GRIA4: variants seen among roughly 807,000 people sequenced by gnomAD.
GRIA4 encodes glutamate receptor 4.
In GRIA4, 34 loss-of-function variants were observed where a neutral mutation model predicts 104.0. The ratio of observed to expected loss-of-function variants is 0.33; its 90% CI spans 0.25 to 0.44. GRIA4 has a LOEUF of 0.44. GRIA4 is among the 20% of genes least tolerant of loss of function. GRIA4 has a pLI of 1.00. For missense variants in GRIA4, 750 were observed against 1,096.5 expected (o/e 0.68, Z 4.46); for synonymous variants, 386 against 381.9 (o/e 1.01, Z -0.13).
chr11:105,780,050 C>A (rs4755116), intron 4 of GRIA4, among the ~76,000 whole-genome samples: 1 of 152,108 alleles, frequency 6.6e-6, no homozygotes, highest in Non-Finnish European at 1.5e-5. Flanking sequence ...AATTGCAACA[C>A]ACTGAACTTT....
intron 3 of GRIA4, among the ~76,000 whole-genome samples, chr11:105,685,121 G>A (rs1017343786): frequency 9.3e-5 from 13 of 139,116 alleles, no homozygotes; most frequent in Non-Finnish European, 1.7e-4. Context: ...CCTTTAGGAA[G>A]GAAGGAAAGA....
intron 4 of GRIA4, among the ~76,000 whole-genome samples, chr11:105,846,201 T>G (rs965969682): frequency 1.3e-5 from 2 of 152,216 alleles, no homozygotes. Context: ...AGTATTTCTG[T>G]GTCAATAATT....
intron 6 of GRIA4, among the ~76,000 whole-genome samples, chr11:105,898,044 T>C (rs1056358533): frequency 6.6e-6 from 1 of 152,142 alleles, no homozygotes; most frequent in East Asian, 1.9e-4. Flanking sequence ...TGAACTGAAA[T>C]AAAAACATAT....
In GRIA4 at chr11:105,852,275, G is replaced by A. The variant is rs370483996; in HGVS notation, c.488-9749G>A. Among the ~76,000 whole-genome samples, 349 of 152,256 alleles carry A rather than the reference G, an allele frequency of 2.3e-3. 2 individuals are homozygous for A. Among genetic ancestry groups the A allele is most frequent in the African/African-American group, 8.0e-3 (333 of 41,544 alleles). On this transcript the variant is annotated intron_variant, in intron 4 of 16. Coordinates refer to ENST00000282499, the MANE Select transcript of GRIA4 (RefSeq NM_000829.4). Reference sequence around the variant, plus strand: ...ATTATGACTTTCCCAGAGTTGTAGGGATGAATTTCTTTACCTATGAAGAAT... The same window carrying A: ...ATTATGACTTTCCCAGAGTTGTAGGAATGAATTTCTTTACCTATGAAGAAT...
In GRIA4 at chr11:105,974,577, AC is replaced by A. The variant is rs747031863; in HGVS notation, c.2544+134del. On this transcript the variant is annotated intron_variant, in intron 16 of 16. Transcript: ENST00000282499. ...TTAGGGGTAGGACTTAGGCCCGACT[AC>A]AGTGAGTGGGGGATGCATCCTGTGA... The A allele has an allele frequency of 3.7e-6, 6 of 1,606,524 alleles. No homozygotes were observed. The South Asian group carries it at 6.6e-5, about 18-fold the overall frequency.
At chr11:105,625,256 G>A (rs1377201836) in intron 3 of GRIA4, among the ~76,000 whole-genome samples, 1 of 152,024 alleles carries the variant, frequency 6.6e-6, no homozygotes, top group Non-Finnish European at 1.5e-5. Flanking sequence ...ACAGTGTCTG[G>A]AACATTAATG....
intron 4 of GRIA4, among the ~76,000 whole-genome samples, chr11:105,841,096 T>A (rs1488563011): frequency 6.6e-6 from 1 of 152,190 alleles, no homozygotes; most frequent in Non-Finnish European, 1.5e-5. Context: ...AAAATTCAGA[T>A]GATTAGCACT....
chr11:105,660,876 G>A (rs140322830), intron 3 of GRIA4, among the ~76,000 whole-genome samples: 2,746 of 151,500 alleles, frequency 0.018, 50 homozygotes, highest in Non-Finnish European at 0.026. Context: ...TCATAATAAC[G>A]TAAACATGAC....
At chr11:105,652,522 A>G (rs1951712671) in intron 3 of GRIA4, among the ~76,000 whole-genome samples, 2 of 152,204 alleles carry the variant, frequency 1.3e-5, no homozygotes, top group South Asian at 4.1e-4. Flanking sequence ...AAGAGAATAG[A>G]GTAGCCACCC....
At chr11:105,974,596 T>G in intron 16 of GRIA4, 152 bp downstream of exon 16, 1 of 1,590,238 alleles carries the variant, frequency 6.3e-7, no homozygotes, top group Non-Finnish European at 8.6e-7. Context: ...GGGGGATGCA[T>G]CCTGTGAACG....
chr11:105,926,564 C>T (rs1369420239), intron 12 of GRIA4, among the ~76,000 whole-genome samples, 177 bp from the exon 13 acceptor site: 2 of 152,040 alleles, frequency 1.3e-5, no homozygotes, highest in Admixed American at 1.3e-4. Context: ...TTAAATACAC[C>T]ATAGAAGACA....
intron 7 of GRIA4, among the ~76,000 whole-genome samples, chr11:105,901,579 G>T (rs996205751): frequency 1.3e-5 from 2 of 152,056 alleles, no homozygotes; most frequent in African/African-American, 2.4e-5. Context: ...ACATAGAAAA[G>T]AATTATATCT....
Position 105,610,891 on chromosome 11 carries a change from G to GTTTTTTTTTATT in GRIA4, c.-90-15_-90-14insTTTTTTTATTTT. ...TTTTCTTTTTTTTTTTTTTTTTTTG[G>GTTTTTTTTTATT]TTGATTTTAATTTTAGCGCCATCGT... On this transcript the variant is annotated splice_polypyrimidine_tract_variant and intron_variant, in intron 1 of 16. Coordinates refer to ENST00000282499, the MANE Select transcript of GRIA4 (RefSeq NM_000829.4). 1 of 283,732 alleles carries GTTTTTTTTTATT rather than the reference G, an allele frequency of 3.5e-6. No homozygotes were observed. The highest frequency in any genetic ancestry group is 1.3e-4 in the South Asian group (1 of 7,996). 17.6% of individuals were successfully genotyped at this position (283,732 alleles called of 1,614,324 possible). A position where few individuals can be genotyped will look rare whatever the true frequency, so the allele number is the denominator to read the frequency against.
chr11:105,958,214 T>C (rs907087846), intron 14 of GRIA4, among the ~76,000 whole-genome samples: 1 of 152,116 alleles, frequency 6.6e-6, no homozygotes, highest in Non-Finnish European at 1.5e-5. Context: ...ATGCTTCCAG[T>C]TTTTGCCCAT....
intron 5 of GRIA4, 76 bp from the exon 6 acceptor site, chr11:105,887,442 TA>T: frequency 1.5e-6 from 1 of 666,362 alleles, no homozygotes; most frequent in Non-Finnish European, 2.6e-6. Flanking sequence ...GGAATTATGC[TA>T]AAATAGATAA....
At chr11:105,827,577 T>C (rs1445735773) in intron 4 of GRIA4, among the ~76,000 whole-genome samples, 1 of 151,966 alleles carries the variant, frequency 6.6e-6, no homozygotes, top group East Asian at 1.9e-4. Context: ...GTGGATATTC[T>C]GGTACCACCG....
At chr11:105,872,700 A>G (rs1945661786) in intron 5 of GRIA4, among the ~76,000 whole-genome samples, 2 of 152,142 alleles carry the variant, frequency 1.3e-5, no homozygotes, top group East Asian at 1.9e-4. Context: ...GATATGTCCA[A>G]TTAGAGACAT....
In GRIA4 at chr11:105,894,795, T is replaced by C. The variant is rs1016608846; in HGVS notation, c.727-3474T>C. Among the ~76,000 whole-genome samples, 5 of 137,376 alleles carry C rather than the reference T, an allele frequency of 3.6e-5. No homozygotes were observed. The East Asian group carries it at 1.1e-3, about 29-fold the overall frequency. 90.1% of individuals were successfully genotyped at this position (137,376 alleles called of 152,430 possible). A position where few individuals can be genotyped will look rare whatever the true frequency, so the allele number is the denominator to read the frequency against. ...ACTGCAGGATTATTGCTACATATTT[T>C]TTTTTTTTTTTTTTTGAGACGGAGT... On this transcript the variant is annotated intron_variant, in intron 6 of 16. Coordinates refer to ENST00000282499, the MANE Select transcript of GRIA4 (RefSeq NM_000829.4).
chr11:105,725,846 G>T (rs1450976110), intron 3 of GRIA4, among the ~76,000 whole-genome samples: 5 of 152,126 alleles, frequency 3.3e-5, no homozygotes, highest in Admixed American at 2.0e-4. Flanking sequence ...TGCTGTGAGG[G>T]ATGGTGCTAT....
Sources: allele counts gnomAD v4.1 joint callset (sites outside exome capture counted in the v4.1 genomes callset), GRCh38; gene constraint gnomAD v4.1.1; transcripts MANE v1.5; gene names NCBI Gene and HGNC (gene_info 2026-07-23, HGNC 2026-07-21).